The following TMEM164 variants were observed in gnomAD, a reference collection of about 807,000 sequenced individuals.
TMEM164 encodes the protein RP13-360B22.2.
TMEM164 carries 4 observed loss-of-function variants against 18.8 expected under a neutral mutation model. That is an observed-to-expected ratio of 0.21 (90% confidence interval 0.10 to 0.49). The LOEUF (loss-of-function observed/expected upper bound fraction) is 0.49. Ranked by LOEUF, TMEM164 falls within the 20% of genes least tolerant of loss-of-function variation. TMEM164 has a pLI of 0.98. For synonymous variants in TMEM164, 86 were observed against 101.7 expected, an observed-to-expected ratio of 0.85 and a Z score of 0.93; for missense variants, 108 against 239.9, an observed-to-expected ratio of 0.45 and a Z score of 3.63.
intron 3 of TMEM164, among the ~76,000 whole-genome samples, chrX:110,085,156 A>G (rs1459270092): frequency 7.7e-5 from 8 of 103,720 alleles, no homozygotes; most frequent in Non-Finnish European, 1.6e-4. Flanking sequence ...TTTCATATGA[A>G]CTTTTTTTTT....
At chrX:110,115,954 G>A (rs1323145885) in intron 4 of TMEM164, among the ~76,000 whole-genome samples, 4 of 110,766 alleles carry the variant, frequency 3.6e-5, no homozygotes, top group Non-Finnish European at 5.7e-5. Context: ...TGGGCGTGGT[G>A]GCACATGTTT....
chrX:110,169,848 G>A (rs909911695), intron 5 of TMEM164, among the ~76,000 whole-genome samples: 2 of 111,357 alleles, frequency 1.8e-5, no homozygotes, highest in African/African-American at 6.5e-5. Context: ...TCTTTAGAAG[G>A]GGTGTGGGCT....
At chrX:110,167,556 C>T (rs113579788) in intron 5 of TMEM164, among the ~76,000 whole-genome samples, 5,610 of 111,840 alleles carry the variant, frequency 0.05, 353 homozygotes, top group African/African-American at 0.17. Flanking sequence ...TTTCCAGTTT[C>T]TCAGTATTAT....
chrX:110,120,411 A>G (rs1260364165), intron 4 of TMEM164, among the ~76,000 whole-genome samples: 1 of 112,401 alleles, frequency 8.9e-6, no homozygotes, highest in Non-Finnish European at 1.9e-5. Flanking sequence ...CGCTGGCTGC[A>G]CAATTAGTAT....
chrX:110,157,308 C>T (rs2067030374), intron 5 of TMEM164, among the ~76,000 whole-genome samples: 1 of 111,556 alleles, frequency 9.0e-6, no homozygotes, highest in Admixed American at 9.5e-5. Flanking sequence ...TTAGCCAAGC[C>T]ATGTTGGATC....
chrX:110,127,369 C>A (rs774121824), intron 4 of TMEM164, among the ~76,000 whole-genome samples: 5 of 111,057 alleles, frequency 4.5e-5, no homozygotes, highest in Non-Finnish European at 9.4e-5. Context: ...AAAAATTAGC[C>A]GAGTATGGTG....
chrX:110,059,485 G>A (rs1045235365), intron 2 of TMEM164, among the ~76,000 whole-genome samples: 2 of 111,016 alleles, frequency 1.8e-5, no homozygotes, highest in African/African-American at 6.6e-5. Context: ...TAAAATCAGC[G>A]TGTCAGTTTC....
At chrX:110,093,522 C>T (rs2065965703) in intron 3 of TMEM164, among the ~76,000 whole-genome samples, 1 of 111,947 alleles carries the variant, frequency 8.9e-6, no homozygotes, top group Admixed American at 9.5e-5. Context: ...TCTGTGGAAT[C>T]TGTGGTGATA....
At chrX:110,183,294 C>G (rs1569367024), downstream of TMEM164, among the ~76,000 whole-genome samples, 1 of 112,249 alleles carries the variant, frequency 8.9e-6, no homozygotes, top group Non-Finnish European at 1.9e-5. Flanking sequence ...ACCAAACCAA[C>G]CAATCAGTTT....
At chrX:110,137,866 T>G (rs1459710645) in intron 4 of TMEM164, among the ~76,000 whole-genome samples, 1 of 111,975 alleles carries the variant, frequency 8.9e-6, no homozygotes. Context: ...ATAGGACTGT[T>G]TTGGGTAAGA....
chrX:110,172,306 G>A (rs753070192), intron 6 of TMEM164, among the ~76,000 whole-genome samples: 3 of 111,964 alleles, frequency 2.7e-5, no homozygotes, highest in East Asian at 2.8e-4. Context: ...GGCAGGTGCC[G>A]CGACCGTCCC....
rs191521049 is a variant in TMEM164 at position 110,005,425 on chromosome X, A to G, written c.390+1261A>G. Among the ~76,000 whole-genome samples the G allele has an allele frequency of 2.1e-3, 230 of 112,154 alleles. 2 individuals carry two copies. Among genetic ancestry groups the G allele is most frequent in the Non-Finnish European group, 3.5e-3 (184 of 53,161 alleles). Reference sequence around the variant, plus strand: ...GGCAGTCCTGTGGGAAGACTCAGGCAGATGAGCACCACACTGTCTACCCAT... The same window carrying G: ...GGCAGTCCTGTGGGAAGACTCAGGCGGATGAGCACCACACTGTCTACCCAT... On this transcript the variant is annotated intron_variant, in intron 2 of 6. Coordinates refer to ENST00000372068, the MANE Select transcript of TMEM164 (RefSeq NM_032227.4).
intron 4 of TMEM164, among the ~76,000 whole-genome samples, chrX:110,136,531 C>T (rs2066694065): frequency 8.9e-6 from 1 of 111,786 alleles, no homozygotes; most frequent in African/African-American, 3.3e-5. Flanking sequence ...TAGGGCTGAG[C>T]TGAGACCAGG....
At chrX:110,170,602 C>G (rs2067217475) in intron 5 of TMEM164, among the ~76,000 whole-genome samples, 1 of 111,764 alleles carries the variant, frequency 8.9e-6, no homozygotes, top group South Asian at 3.8e-4. Flanking sequence ...AACCATGCCC[C>G]CATTCTCCAA....
At chrX:110,094,504 C>G (rs768453991) in intron 3 of TMEM164, among the ~76,000 whole-genome samples, 1 of 111,288 alleles carries the variant, frequency 9.0e-6, no homozygotes, top group Non-Finnish European at 1.9e-5. Context: ...AGGATTGCAA[C>G]CCCTGCTTTT....
chrX:110,045,052 T>C (rs1935261566), intron 2 of TMEM164, among the ~76,000 whole-genome samples: 1 of 112,064 alleles, frequency 8.9e-6, no homozygotes, highest in Non-Finnish European at 1.9e-5. Context: ...TTTGTGATGC[T>C]GCTTGCCTTG....
At chrX:110,070,511 C>T (rs1261458416) in intron 3 of TMEM164, among the ~76,000 whole-genome samples, 1 of 111,176 alleles carries the variant, frequency 9.0e-6, no homozygotes, top group Non-Finnish European at 1.9e-5. Flanking sequence ...CATCTGTTCA[C>T]GTCTTATTGT....
At chrX:110,028,063 A>G (rs952180031) in intron 2 of TMEM164, among the ~76,000 whole-genome samples, 2 of 112,382 alleles carry the variant, frequency 1.8e-5, no homozygotes, top group African/African-American at 6.5e-5. Context: ...TAATGGTTAT[A>G]GGAATTTTCA....
intron 3 of TMEM164, among the ~76,000 whole-genome samples, chrX:110,098,603 C>G (rs772339820): frequency 9.0e-6 from 1 of 111,510 alleles, no homozygotes; most frequent in South Asian, 3.7e-4. Context: ...CTGCACATTG[C>G]TATTGTCTTT....
Sources: gnomAD v4.1 joint callset for allele counts (sites outside exome capture counted in the v4.1 genomes callset) on GRCh38, gnomAD v4.1.1 for gene constraint, MANE v1.5 for transcripts, NCBI Gene and HGNC (gene_info 2026-07-23, HGNC 2026-07-21) for gene names.